Variants in FBLN2 observed in about 807,000 individuals in gnomAD.
FBLN2 encodes fibulin 2.
FBLN2 carries 81 observed loss-of-function variants against 123.7 expected under a neutral mutation model. That is an observed-to-expected ratio of 0.65 (90% CI 0.55 to 0.79). FBLN2 has a LOEUF of 0.79. FBLN2 is among the 30% of genes least tolerant of loss of function. The probability of loss-of-function intolerance (pLI) is 0.00; values close to 1 mark genes in which losing one functional copy is unlikely to be tolerated. For missense variants in FBLN2, 1,603 were observed against 1,681.3 expected (o/e 0.95, Z 0.81); for synonymous variants, 699 against 701.4 (o/e 1.00, Z 0.05).
intron 2 of FBLN2, among the ~76,000 whole-genome samples, chr3:13,607,481 G>A (rs1199572624): frequency 6.6e-6 from 1 of 152,170 alleles, no homozygotes; most frequent in Non-Finnish European, 1.5e-5. Context: ...GGTTGCAGAG[G>A]TGGAAGAAAC....
intron 2 of FBLN2, among the ~76,000 whole-genome samples, chr3:13,587,819 T>C (rs951004839): frequency 2.0e-5 from 3 of 152,212 alleles, no homozygotes; most frequent in African/African-American, 7.2e-5. Flanking sequence ...ACTCAACCAA[T>C]TGTCAACCAC....
In FBLN2 at chr3:13,633,255, C is replaced by T. The variant is rs569770821; in HGVS notation, c.3214+1798C>T. ...CGCTTCTCTCCTGCCCGGGCTTGCCCGCCACCCCGTCTCTGCATCCTCTTC... is the reference window on the plus strand; with the variant it reads ...CGCTTCTCTCCTGCCCGGGCTTGCCTGCCACCCCGTCTCTGCATCCTCTTC... On this transcript the variant is annotated intron_variant, in intron 16 of 17. Transcript: ENST00000404922. Among the ~76,000 whole-genome samples the T allele has an allele frequency of 1.8e-4, 28 of 152,376 alleles. No individual in the cohort carries two copies. In the South Asian group the frequency reaches 5.4e-3, roughly 29 times the overall value.
At chr3:13,618,387 T>C (rs573968503) in intron 6 of FBLN2, 102 bp downstream of exon 6, 3 of 1,082,174 alleles carry the variant, frequency 2.8e-6, no homozygotes, top group African/African-American at 1.6e-5. Flanking sequence ...TCACTTCCTG[T>C]TACCCCACAA....
intron 5 of FBLN2, among the ~76,000 whole-genome samples, chr3:13,617,581 AT>A (rs1381515660): frequency 6.8e-4 from 15 of 22,026 alleles, no homozygotes; most frequent in Non-Finnish European, 1.8e-4. Context: ...CCATCCACCC[AT>A]CCATCCATCC....
At chr3:13,569,721 G>A (rs77955480) in intron 1 of FBLN2, among the ~76,000 whole-genome samples, 2,320 of 152,118 alleles carry the variant, frequency 0.015, 75 homozygotes, top group African/African-American at 0.053. Flanking sequence ...GGGGCGTCTT[G>A]TTCTTGCCTA....
chr3:13,627,817 G>C lies in FBLN2; in HGVS notation c.2432-15G>C. On this transcript the variant is annotated splice_polypyrimidine_tract_variant and intron_variant, in intron 10 of 17. Transcript: ENST00000404922. ...CCTGCCCCCCAGCCCTTGACACCCAGCCTCTCCGCTGCAGACGTGGATGAG... is the reference window on the plus strand; with the variant it reads ...CCTGCCCCCCAGCCCTTGACACCCACCCTCTCCGCTGCAGACGTGGATGAG... 6.2e-7 allele frequency: 1 copy of C among 1,609,616 alleles called. No homozygotes were observed. Among genetic ancestry groups the C allele is most frequent in the Non-Finnish European group, 8.5e-7 (1 of 1,177,794 alleles).
intron 1 of FBLN2, among the ~76,000 whole-genome samples, chr3:13,555,853 G>A (rs1465743398): frequency 1.3e-5 from 2 of 152,224 alleles, no homozygotes; most frequent in African/African-American, 2.4e-5. Context: ...TTGGTTCAGA[G>A]GGATTCGCGG....
chr3:13,572,830 A>G (rs1704007244), intron 2 of FBLN2, among the ~76,000 whole-genome samples: 2 of 152,222 alleles, frequency 1.3e-5, no homozygotes, highest in African/African-American at 2.4e-5. Flanking sequence ...TGCTTACTTT[A>G]GGAGCCTTGA....
In FBLN2 at chr3:13,629,068, C is replaced by T. The variant is rs1256312288; in HGVS notation, c.2713+20C>T. 3.1e-6 allele frequency: 5 copies of T among 1,612,748 alleles called. No individual in the cohort carries two copies. The highest frequency in any genetic ancestry group is 4.2e-6 in the Non-Finnish European group (5 of 1,179,610). ...GTGTGGGTAAGGCCAGCCGCCTCCG[C>T]CCTGCCAGCCAGCCCGGCCTGCCCG... On this transcript the variant is annotated intron_variant, in intron 12 of 17. Transcript: ENST00000404922.
chr3:13,618,813 G>A (rs772920321), intron 6 of FBLN2, 91 bp from the exon 7 acceptor site: 4 of 831,184 alleles, frequency 4.8e-6, no homozygotes. Flanking sequence ...TCAGTGCCCT[G>A]TGTGAGAAGG....
At chr3:13,580,849 C>T (rs951222619) in intron 2 of FBLN2, among the ~76,000 whole-genome samples, 3 of 152,260 alleles carry the variant, frequency 2.0e-5, no homozygotes, top group Non-Finnish European at 4.4e-5. Context: ...TTATTGCTCC[C>T]AAGTCCACGG....
chr3:13,592,766 C>G (rs1485061091), intron 2 of FBLN2, among the ~76,000 whole-genome samples: 2 of 152,032 alleles, frequency 1.3e-5, no homozygotes. Context: ...TTGATTTTAA[C>G]CCTTTATTTT....
chr3:13,571,421 G>A lies in FBLN2; in HGVS notation c.1066G>A (p.Val356Met), dbSNP rs200487515. 1.1e-3 allele frequency: 1,771 copies of A among 1,612,956 alleles called. 9 individuals carry two copies. Among genetic ancestry groups the A allele is most frequent in the Non-Finnish European group, 1.3e-3 (1,548 of 1,179,592 alleles). Residue 356 changes from valine to methionine, a missense_variant, in exon 2 of 18, where the codon GTG becomes ATG. Coordinates refer to ENST00000404922, the MANE Select transcript of FBLN2 (RefSeq NM_001004019.2). ...ATSRSTGPEG[V>M]THAPSLGKAA... ...GTCCCGCAGCACTGGGCCGGAGGGC[G>A]TGACGCATGCACCGAGCCTGGGCAA...
chr3:13,558,014 C>T (rs929127672), intron 1 of FBLN2, among the ~76,000 whole-genome samples: 1 of 152,176 alleles, frequency 6.6e-6, no homozygotes, highest in African/African-American at 2.4e-5. Flanking sequence ...GGCCAGACCC[C>T]GCTGTTGGTT....
intron 5 of FBLN2, among the ~76,000 whole-genome samples, chr3:13,614,801 C>T (rs1705535647): frequency 6.6e-6 from 1 of 151,626 alleles, no homozygotes; most frequent in African/African-American, 2.4e-5. Flanking sequence ...ATCCATCCAT[C>T]CCTCATCCAT....
In FBLN2 at chr3:13,621,907, A is replaced by G; in HGVS notation, c.2288A>G (p.Lys763Arg). 1.9e-6 allele frequency: 3 copies of G among 1,612,820 alleles called. No individual in the cohort carries two copies. In the South Asian group the frequency reaches 3.3e-5, roughly 18 times the overall value. The change falls in exon 9 of 18, where the codon AAG becomes AGG. Residue 763 changes from lysine (K) to arginine (R), a missense_variant. Coordinates refer to ENST00000404922, the MANE Select transcript of FBLN2 (RefSeq NM_001004019.2). ...ADGYILNAHR[K>R]CVDINECVTD... ...GGCTATATCCTCAATGCGCACAGGAAGTGCGTGGGTAAGCCAGGGCCCCGC... is the reference window on the plus strand; with the variant it reads ...GGCTATATCCTCAATGCGCACAGGAGGTGCGTGGGTAAGCCAGGGCCCCGC...
intron 6 of FBLN2, among the ~76,000 whole-genome samples, 188 bp from the exon 7 acceptor site, chr3:13,618,716 C>T (rs537114859): frequency 6.6e-6 from 1 of 152,266 alleles, no homozygotes; most frequent in East Asian, 1.9e-4. Flanking sequence ...CCTCTGCCCC[C>T]AGTAGCTGAG....
At chr3:13,601,074 T>G (rs953662929) in intron 2 of FBLN2, among the ~76,000 whole-genome samples, 3 of 152,226 alleles carry the variant, frequency 2.0e-5, no homozygotes, top group African/African-American at 7.2e-5. Context: ...CCAGCTCATC[T>G]GTGAAATAGG....
intron 1 of FBLN2, among the ~76,000 whole-genome samples, chr3:13,564,372 AT>A (rs1703685240): frequency 2.6e-5 from 4 of 152,108 alleles, no homozygotes; most frequent in Admixed American, 6.6e-5. Flanking sequence ...GCTGCTTATT[AT>A]TTTTTTAAAA....
Sources: allele counts gnomAD v4.1 joint callset (sites outside exome capture counted in the v4.1 genomes callset), GRCh38; gene constraint gnomAD v4.1.1; transcripts MANE v1.5; gene names NCBI Gene and HGNC (gene_info 2026-07-23, HGNC 2026-07-21).